PCDHGA3: variants seen among roughly 807,000 people sequenced by gnomAD.
The protein encoded by PCDHGA3 is protocadherin gamma-A3.
In PCDHGA3, 40 loss-of-function variants were observed where a neutral mutation model predicts 58.5. That is an observed-to-expected ratio of 0.68 (90% confidence interval 0.53 to 0.89). PCDHGA3 has a LOEUF of 0.89. Among genes scored for constraint, PCDHGA3 ranks in the 40% least tolerant of loss-of-function variants. PCDHGA3 has a pLI of 0.00. For synonymous variants in PCDHGA3, 530 were observed against 525.7 expected, an observed-to-expected ratio of 1.01 and a Z score of -0.11; for missense variants, 1,223 against 1,195.9, an observed-to-expected ratio of 1.02 and a Z score of -0.33.
At chr5:141,363,325 T>C (rs1762878436) in intron 1 of PCDHGA3, among the ~76,000 whole-genome samples, 1 of 152,276 alleles carries the variant, frequency 6.6e-6, no homozygotes, top group South Asian at 2.1e-4. Flanking sequence ...ATGAAAGTGT[T>C]ATTAAATAAA....
In PCDHGA3 at chr5:141,422,240, T is replaced by C. The variant is rs1472994337; in HGVS notation, c.2425-72567T>C. ...ACCACCACGACGATGTTGATCACTG[T>C]TGTGGATGTGAATGATAACGCTCCA... On this transcript the variant is annotated intron_variant, in intron 1 of 3. Coordinates refer to ENST00000253812, the MANE Select transcript of PCDHGA3 (RefSeq NM_018916.4). 1.3e-6 allele frequency: 2 copies of C among 1,566,716 alleles called. No individual in the cohort carries two copies. The highest frequency in any genetic ancestry group is 1.2e-5 in the South Asian group (1 of 81,384).
intron 1 of PCDHGA3, among the ~76,000 whole-genome samples, chr5:141,358,236 T>C (rs1225298573): frequency 1.3e-5 from 2 of 152,182 alleles, no homozygotes; most frequent in African/African-American, 2.4e-5. Flanking sequence ...AATTTCCTTT[T>C]CTCTTAGGTG....
intron 1 of PCDHGA3, among the ~76,000 whole-genome samples, chr5:141,472,969 A>G: frequency 6.8e-6 from 1 of 147,990 alleles, no homozygotes; most frequent in Non-Finnish European, 1.5e-5. Flanking sequence ...CTGGGGAACA[A>G]GAGTGAAACT....
chr5:141,420,505 T>C (rs923726040), intron 1 of PCDHGA3: 4 of 457,906 alleles, frequency 8.7e-6, no homozygotes, highest in Middle Eastern at 6.0e-4. Context: ...GGTGACATTT[T>C]TATGAAGTAA....
At chr5:141,423,360 G>A (rs762976655) in intron 1 of PCDHGA3, 1 of 1,614,224 alleles carries the variant, frequency 6.2e-7, no homozygotes, top group Non-Finnish European at 8.5e-7. Context: ...TTGTCATCGT[G>A]CTGCTGGCAC....
chr5:141,488,128 G>T (rs1412334197), intron 1 of PCDHGA3, among the ~76,000 whole-genome samples: 1 of 152,226 alleles, frequency 6.6e-6, no homozygotes, highest in Non-Finnish European at 1.5e-5. Context: ...ACAGCAGAAA[G>T]AGGAGAGAAC....
intron 1 of PCDHGA3, chr5:141,383,728 G>GGT (rs1554087976): frequency 1.9e-6 from 3 of 1,613,878 alleles, no homozygotes; most frequent in Non-Finnish European, 2.5e-6. Flanking sequence ...CAATGGGGAA[G>GGT]TGACATATTC....
intron 1 of PCDHGA3, among the ~76,000 whole-genome samples, chr5:141,449,630 T>C (rs1006977026): frequency 6.7e-6 from 1 of 150,024 alleles, no homozygotes; most frequent in South Asian, 2.1e-4. Flanking sequence ...TTTAAAAAGA[T>C]GTATCTATAT....
intron 1 of PCDHGA3, chr5:141,355,351 G>C: frequency 1.2e-6 from 2 of 1,614,038 alleles, no homozygotes; most frequent in Non-Finnish European, 1.7e-6. Context: ...CATCGCCAAG[G>C]ACCTGGGGTT....
intron 1 of PCDHGA3, among the ~76,000 whole-genome samples, chr5:141,380,946 CAAG>C (rs1776880026): frequency 6.6e-6 from 1 of 152,210 alleles, no homozygotes; most frequent in African/African-American, 2.4e-5. Flanking sequence ...CTTGCCTCAA[CAAG>C]AAGTTCAAAA....
At position 141,477,271 on chromosome 5, in the gene PCDHGA3, G is replaced by T; in HGVS notation, c.2425-17536G>T. On this transcript the variant is annotated intron_variant, in intron 1 of 3. Transcript: ENST00000253812. The surrounding 1 kb of genome is among the most constrained non-coding windows in gnomAD (Gnocchi z 4.9). ...CTGACCTGGATGCTGGCGAGAACGG[G>T]CTGGTGACCTGCGAAGTTCCACCGG... The T allele has an allele frequency of 1.2e-6, 2 of 1,614,212 alleles. No homozygotes were observed. The highest frequency in any genetic ancestry group is 1.7e-6 in the Non-Finnish European group (2 of 1,180,044).
chr5:141,428,025 G>C, intron 1 of PCDHGA3: 1 of 1,606,426 alleles, frequency 6.2e-7, no homozygotes, highest in Non-Finnish European at 8.5e-7. Flanking sequence ...ACGCGCCGCA[G>C]AGTCCGGCTA....
Position 141,491,900 on chromosome 5 carries a change from G to C in PCDHGA3, c.2425-2907G>C. ...TAAGGGATGGGGCTCCGAGCACCGG[G>C]GGTGGTGGCGACTGTGGGCGAGGGG... On this transcript the variant is annotated intron_variant, in intron 1 of 3. Transcript: ENST00000253812. This position sits in a 1 kb window ranked among gnomAD's most constrained non-coding sequence, Gnocchi z 6.9. 1 of 1,429,936 alleles carries C rather than the reference G, an allele frequency of 7.0e-7. No homozygotes were observed. Among genetic ancestry groups the C allele is most frequent in the South Asian group, 1.5e-5 (1 of 67,072 alleles). 88.6% of individuals were successfully genotyped at this position (1,429,936 alleles called of 1,614,324 possible). A position where few individuals can be genotyped will look rare whatever the true frequency, so the allele number is the denominator to read the frequency against.
At position 141,391,015 on chromosome 5, in the gene PCDHGA3, CAAAGA is replaced by C. The variant is rs1353502690; in HGVS notation, c.2424+44564_2424+44568del. On this transcript the variant is annotated intron_variant, in intron 1 of 3. Transcript: ENST00000253812. ...TTCAAGCTCATTCTATATCCTTCAT[CAAAGA>C]AAAGACAATGTTTTGTGTCTGTTGT... 3.3e-5 allele frequency: 5 copies of C among 152,166 alleles called. No individual in the cohort carries two copies. The East Asian group carries it at 9.6e-4, about 29-fold the overall frequency. The allele number at this position is 152,166 out of a possible 1,614,324, so 9.4% of individuals were successfully genotyped here. A position where few individuals can be genotyped will look rare whatever the true frequency, so the allele number is the denominator to read the frequency against.
At position 141,487,289 on chromosome 5, in the gene PCDHGA3, G is replaced by T; in HGVS notation, c.2425-7518G>T. 6.2e-7 allele frequency: 1 copy of T among 1,614,096 alleles called. No individual in the cohort carries two copies. The highest frequency in any genetic ancestry group is 8.5e-7 in the Non-Finnish European group (1 of 1,180,024). On this transcript the variant is annotated intron_variant, in intron 1 of 3. Coordinates refer to ENST00000253812, the MANE Select transcript of PCDHGA3 (RefSeq NM_018916.4). The surrounding 1 kb of genome is among the most constrained non-coding windows in gnomAD (Gnocchi z 5.0). Reference sequence around the variant, plus strand: ...AGTGGCAATTTGCTTTGTCTCCTTTGGCTCATTCGTGGCACTACTCTCTAA... The same window carrying T: ...AGTGGCAATTTGCTTTGTCTCCTTTTGCTCATTCGTGGCACTACTCTCTAA...
chr5:141,350,194 C>A, intron 1 of PCDHGA3: 1 of 1,407,022 alleles, frequency 7.1e-7, no homozygotes, highest in South Asian at 1.6e-5. Context: ...TCACAGAAGT[C>A]CAGGGTGCTG....
chr5:141,477,212 C>CCTCT lies in PCDHGA3; in HGVS notation c.2425-17594_2425-17591dup. 6.2e-7 allele frequency: 1 copy of CCTCT among 1,614,166 alleles called. No homozygotes were observed. The highest frequency in any genetic ancestry group is 8.5e-7 in the Non-Finnish European group (1 of 1,180,042). The stretch of plus-strand genomic sequence containing the variant: ...GTACAGCCCAGTACCCGAGGATGCC[C>CCTCT]CTCTGGGGACTGTCATCGCTTTGCT... On this transcript the variant is annotated intron_variant, in intron 1 of 3. Coordinates refer to ENST00000253812, the MANE Select transcript of PCDHGA3 (RefSeq NM_018916.4). This position sits in a 1 kb window ranked among gnomAD's most constrained non-coding sequence, Gnocchi z 4.9.
At chr5:141,410,458 T>A in intron 1 of PCDHGA3, 1 of 1,614,040 alleles carries the variant, frequency 6.2e-7, no homozygotes, top group African/African-American at 1.3e-5. Flanking sequence ...CTTATTCTTA[T>A]AATCTGTGCA....
chr5:141,423,897 T>G, intron 1 of PCDHGA3: 7 of 1,278,866 alleles, frequency 5.5e-6, no homozygotes, highest in Non-Finnish European at 6.9e-6. Flanking sequence ...TTTCTTTTGA[T>G]TTCAAAGGGG....
Sources: allele counts gnomAD v4.1 joint callset (sites outside exome capture counted in the v4.1 genomes callset), GRCh38; gene constraint gnomAD v4.1.1; non-coding constraint Gnocchi (gnomAD v3.1); transcripts MANE v1.5; gene names NCBI Gene and HGNC (gene_info 2026-07-23, HGNC 2026-07-21).